Variants in CCL26 observed in about 807,000 individuals in gnomAD.
CCL26 encodes C-C motif chemokine 26.
In CCL26, 10 loss-of-function variants were observed where a neutral mutation model predicts 10.7. The ratio of observed to expected loss-of-function variants is 0.93; its 90% confidence interval spans 0.57 to 1.58. The LOEUF (loss-of-function observed/expected upper bound fraction) is 1.58, where lower values mean the gene tolerates loss of function less well. Ranked by LOEUF, CCL26 falls within the 40% of genes most tolerant of loss-of-function variation. The probability of loss-of-function intolerance (pLI) is 0.00; values close to 1 mark genes in which losing one functional copy is unlikely to be tolerated. For synonymous variants in CCL26, 43 were observed against 41.4 expected, an observed-to-expected ratio of 1.04 and a Z score of -0.15; for missense variants, 116 against 111.0, an observed-to-expected ratio of 1.05 and a Z score of -0.20.
chr7:75,787,731 C>CAA (rs1803232141), intron 1 of CCL26, among the ~76,000 whole-genome samples: 1 of 140,938 alleles, frequency 7.1e-6, no homozygotes, highest in African/African-American at 2.6e-5. Flanking sequence ...AGGACTCTGT[C>CAA]AAAAACAGAG....
At chr7:75,776,641 G>C (rs546770253), upstream of CCL26, among the ~76,000 whole-genome samples, 2 of 151,998 alleles carry the variant, frequency 1.3e-5, no homozygotes, top group Admixed American at 1.3e-4. Context: ...GAAAGATAAT[G>C]GCTGAGGCGT....
At chr7:75,789,093 T>C (rs1362119183) in intron 1 of CCL26, among the ~76,000 whole-genome samples, 1 of 121,700 alleles carries the variant, frequency 8.2e-6, no homozygotes. Context: ...AGTTCATTTT[T>C]TGATTTTTTT....
intron 1 of CCL26, among the ~76,000 whole-genome samples, chr7:75,789,123 T>C (rs1803267427): frequency 7.2e-6 from 1 of 138,936 alleles, no homozygotes; most frequent in Admixed American, 7.2e-5. Flanking sequence ...TGTAGAGATG[T>C]GGCGGGCGGG....
intron 1 of CCL26, among the ~76,000 whole-genome samples, chr7:75,781,845 G>A (rs782291794): frequency 2.0e-5 from 3 of 150,694 alleles, no homozygotes; most frequent in Non-Finnish European, 4.4e-5. Context: ...CTCCTTTTTC[G>A]GACTCAGCCC....
intron 1 of CCL26, among the ~76,000 whole-genome samples, chr7:75,779,062 C>T (rs1803004331): frequency 6.6e-6 from 1 of 152,178 alleles, no homozygotes; most frequent in Non-Finnish European, 1.5e-5. Context: ...GAAATTCCTT[C>T]TCCTGGCTTA....
chr7:75,773,891 AAG>A (rs1802882299), upstream of CCL26, among the ~76,000 whole-genome samples: 7 of 152,216 alleles, frequency 4.6e-5, 1 homozygote, highest in South Asian at 1.5e-3. Context: ...CACAAAAAAA[AAG>A]AAATTTGTAG....
At chr7:75,770,400 A>G (rs1270831230) in intron 2 of CCL26, among the ~76,000 whole-genome samples, 1 of 143,726 alleles carries the variant, frequency 7.0e-6, no homozygotes, top group African/African-American at 2.6e-5. Flanking sequence ...ATTTTTTTTG[A>G]GACGGAGTTT....
chr7:75,780,745 A>G (rs1554529327), intron 1 of CCL26, among the ~76,000 whole-genome samples: 1 of 151,420 alleles, frequency 6.6e-6, no homozygotes, highest in Non-Finnish European at 1.5e-5. Flanking sequence ...GAGTCTTTCC[A>G]ATCTTCCTTT....
chr7:75,790,179 CT>C (rs1554530617), upstream of CCL26, among the ~76,000 whole-genome samples: 6,387 of 28,932 alleles, frequency 0.22, 412 homozygotes, highest in East Asian at 0.41. Context: ...TCCTTCCTTC[CT>C]TTCTTTCTTT....
chr7:75,770,424 C>T (rs1420913265), intron 2 of CCL26, among the ~76,000 whole-genome samples: 1 of 151,290 alleles, frequency 6.6e-6, no homozygotes, highest in Non-Finnish European at 1.5e-5. Flanking sequence ...TCTTGTTGCC[C>T]AGGCTGGAGT....
At chr7:75,781,463 G>A (rs1449233850) in intron 1 of CCL26, among the ~76,000 whole-genome samples, 9 of 152,266 alleles carry the variant, frequency 5.9e-5, no homozygotes, top group South Asian at 2.1e-4. Context: ...AGGAATGCCC[G>A]CAGCCCAGGA....
rs185837210 is a variant in CCL26, at chr7:75,784,840, C to T, written c.-79+4877G>A. The stretch of plus-strand genomic sequence containing the variant: ...ACAAGTATAGGACACCTCTACTCCC[C>T]CCTTGGTGACCGATCATGCACCCCT... On this transcript the variant is annotated intron_variant, in intron 1 of 3. Transcript: ENST00000394905. 7.6e-3 allele frequency among the ~76,000 whole-genome samples: 1,160 copies of T among 152,024 alleles called. 20 individuals are homozygous for T. Among genetic ancestry groups the T allele is most frequent in the African/African-American group, 0.026 (1,094 of 41,470 alleles).
Position 75,787,469 on chromosome 7 carries a change from C to T in CCL26, c.-79+2248G>A, listed in dbSNP as rs576633866. The stretch of plus-strand genomic sequence containing the variant: ...ATCATCCTGGCTAACATGGTGAAAC[C>T]CCGTCTGTACTAAAAATACAAAAAA... On this transcript the variant is annotated intron_variant, in intron 1 of 3. Transcript: ENST00000394905. 1.4e-4 allele frequency among the ~76,000 whole-genome samples: 21 copies of T among 151,752 alleles called. 1 individual carries two copies. Among genetic ancestry groups the T allele is most frequent in the Non-Finnish European group, 2.7e-4 (18 of 67,918 alleles).
At position 75,783,198 on chromosome 7, in the gene CCL26, A is replaced by G. The variant is rs144582577; in HGVS notation, c.-79+6519T>C. Among the ~76,000 whole-genome samples, 1,206 of 152,294 alleles carry G rather than the reference A, an allele frequency of 7.9e-3. 17 individuals are homozygous for G. The highest frequency in any genetic ancestry group is 0.027 in the African/African-American group (1,135 of 41,578). On this transcript the variant is annotated intron_variant, in intron 1 of 3. Transcript: ENST00000394905. ...TCTTTCTCATCAGACCCCACTAAAT[A>G]TATACAGGAATTCCGATATCTAACT...
chr7:75,791,063 G>A (rs936474919), upstream of CCL26, among the ~76,000 whole-genome samples: 1 of 127,070 alleles, frequency 7.9e-6, no homozygotes, highest in Non-Finnish European at 1.6e-5. Context: ...TCTTGCTCTT[G>A]TCACGCAGGC....
chr7:75,785,211 C>A (rs1263644001), intron 1 of CCL26, among the ~76,000 whole-genome samples: 4 of 152,148 alleles, frequency 2.6e-5, no homozygotes, highest in Non-Finnish European at 4.4e-5. Flanking sequence ...ACCCCTCATC[C>A]CAGCCTCTCT....
At position 75,785,291 on chromosome 7, in the gene CCL26, G is replaced by T. The variant is rs571281241; in HGVS notation, c.-79+4426C>A. ...CTTACCAGGGCTGTGCTACCGCAAG[G>T]CTTCAGGGACAGCCCTCATTACTTC... On this transcript the variant is annotated intron_variant, in intron 1 of 3. Coordinates refer to the CCL26 transcript ENST00000394905. Among the ~76,000 whole-genome samples, 8 of 152,224 alleles carry T rather than the reference G, an allele frequency of 5.3e-5. No homozygotes were observed. In the South Asian group the frequency reaches 1.7e-3, roughly 32 times the overall value.
Position 75,769,757 on chromosome 7 carries a change from G to T in CCL26, c.221C>A (p.Thr74Asn), listed in dbSNP as rs111409046. ...TTGCACCCATTTTTTCCTTGGATGG[G>T]TACAGACTTTCTTGCCTCTTTTGGT... is the stretch of plus-strand genomic sequence containing the variant. ...FTTKRGKKVC[T>N]HPRKKWVQKY... The change falls in exon 3 of 3, where the codon ACC becomes AAC. Residue 74 changes from threonine to asparagine, a missense_variant. Physicochemically the swap from Thr to Asn is moderately conservative, Grantham distance 65. Transcript: ENST00000005180. 3 of 1,611,416 alleles carry T rather than the reference G, an allele frequency of 1.9e-6. No homozygotes were observed. The highest frequency in any genetic ancestry group is 2.5e-6 in the Non-Finnish European group (3 of 1,177,686).
chr7:75,779,381 G>A (rs550907542), intron 1 of CCL26, among the ~76,000 whole-genome samples: 11 of 152,124 alleles, frequency 7.2e-5, no homozygotes, highest in Admixed American at 2.6e-4. Flanking sequence ...TCTTTGCTCC[G>A]TAAGAAAGAT....
Sources: gnomAD v4.1 joint callset for allele counts (sites outside exome capture counted in the v4.1 genomes callset) on GRCh38, gnomAD v4.1.1 for gene constraint, MANE v1.5 for transcripts, NCBI Gene and HGNC (gene_info 2026-07-23, HGNC 2026-07-21) for gene names.